TMEM44: variants seen among roughly 807,000 people sequenced by gnomAD.
The protein encoded by TMEM44 is transmembrane protein 44.
TMEM44 carries 43 observed loss-of-function variants against 47.8 expected under a neutral mutation model. The ratio of observed to expected loss-of-function variants is 0.90; its 90% CI spans 0.70 to 1.16. The LOEUF is 1.16. TMEM44 is among the 50% of genes most tolerant of loss of function. TMEM44 has a pLI of 0.00. For synonymous variants in TMEM44, 277 were observed against 238.8 expected, an observed-to-expected ratio of 1.16 and a Z score of -1.48; for missense variants, 568 against 555.2, an observed-to-expected ratio of 1.02 and a Z score of -0.23.
Position 194,628,600 on chromosome 3 carries a change from G to A in TMEM44, c.138-91C>T, listed in dbSNP as rs559549849. 2.2e-5 allele frequency: 31 copies of A among 1,433,660 alleles called. 1 individual carries two copies. The South Asian group carries it at 3.1e-4, about 14-fold the overall frequency. The allele number at this position is 1,433,660 out of a possible 1,614,324, so 88.8% of individuals were successfully genotyped here. A position where few individuals can be genotyped will look rare whatever the true frequency, so the allele number is the denominator to read the frequency against. On this transcript the variant is annotated intron_variant, in intron 1 of 9. Transcript: ENST00000347147. ...AAAAGGGCAACTGTGACCCCGCATC[G>A]TCAGGGAGCTCTTTCTGCCCGAGGT...
At chr3:194,628,328 G>C (rs1266827558) in intron 2 of TMEM44, 55 bp downstream of exon 2, 5 of 1,571,116 alleles carry the variant, frequency 3.2e-6, no homozygotes, top group Non-Finnish European at 4.3e-6. Flanking sequence ...AGAGAGAAAG[G>C]CCAGGCCTCC....
intron 7 of TMEM44, among the ~76,000 whole-genome samples, chr3:194,615,335 G>A (rs572864664): frequency 1.3e-5 from 2 of 152,264 alleles, no homozygotes; most frequent in African/African-American, 2.4e-5. Flanking sequence ...GGCCCTCATG[G>A]AGGCTCAATG....
At chr3:194,620,928 G>A (rs1171589371) in intron 5 of TMEM44, among the ~76,000 whole-genome samples, 2 of 151,722 alleles carry the variant, frequency 1.3e-5, no homozygotes, top group Non-Finnish European at 1.5e-5. Flanking sequence ...TTGGGAGGCT[G>A]AGGCACAGAA....
chr3:194,625,932 A>G lies in TMEM44; in HGVS notation c.323T>C (p.Phe108Ser). 1 of 1,613,880 alleles carries G rather than the reference A, an allele frequency of 6.2e-7. No homozygotes were observed. Among genetic ancestry groups the G allele is most frequent in the Non-Finnish European group, 8.5e-7 (1 of 1,179,784 alleles). ...IDLVNFMFIL[F>S]PVCGSKFKSN... is the part of the protein sequence containing the mutation. Reference sequence around the variant, plus strand: ...CTTGAATTTGGATCCACAGACTGGGAAGAGAATGAACATAAAGTTCACTAA... The same window carrying G: ...CTTGAATTTGGATCCACAGACTGGGGAGAGAATGAACATAAAGTTCACTAA... Residue 108 changes from phenylalanine (F) to serine (S), a missense_variant, in exon 3 of 10, where the codon TTC (phenylalanine) becomes TCC (serine). Coordinates refer to ENST00000347147, the MANE Select transcript of TMEM44 (RefSeq NM_001011655.3).
Position 194,611,750 on chromosome 3 carries a change from G to A in TMEM44, c.913-730C>T, listed in dbSNP as rs1325144932. Among the ~76,000 whole-genome samples the A allele has an allele frequency of 1.3e-5, 2 of 152,114 alleles. No homozygotes were observed. Among genetic ancestry groups the A allele is most frequent in the Non-Finnish European group, 2.9e-5 (2 of 68,028 alleles). Reference sequence around the variant, plus strand: ...TAAAATACAGATTGCAGCCGGGCGCGGTGGCTCACGCCTGTAATCCCAGCA... The same window carrying A: ...TAAAATACAGATTGCAGCCGGGCGCAGTGGCTCACGCCTGTAATCCCAGCA... On this transcript the variant is annotated intron_variant, in intron 7 of 9. Transcript: ENST00000347147. This position sits in a 1 kb window ranked among gnomAD's most constrained non-coding sequence, Gnocchi z 4.2.
At chr3:194,590,841 C>T (rs932807892) in intron 9 of TMEM44, among the ~76,000 whole-genome samples, 2 of 152,188 alleles carry the variant, frequency 1.3e-5, no homozygotes, top group African/African-American at 2.4e-5. Flanking sequence ...TTCTTGCCAA[C>T]CGTGACCAGT....
At chr3:194,612,821 C>T (rs573982319) in intron 7 of TMEM44, among the ~76,000 whole-genome samples, 4 of 152,162 alleles carry the variant, frequency 2.6e-5, no homozygotes, top group Non-Finnish European at 5.9e-5. Flanking sequence ...CCCGCCACCG[C>T]GCCCAGCTAA....
chr3:194,592,396 C>A (rs1037909962), intron 9 of TMEM44, among the ~76,000 whole-genome samples: 5 of 152,196 alleles, frequency 3.3e-5, no homozygotes, highest in Non-Finnish European at 7.3e-5. Flanking sequence ...GCCAGCTGCC[C>A]AGGGTCCCAG....
rs1383060344 is a variant in TMEM44 at position 194,611,747 on chromosome 3, C to T, written c.913-727G>A. Among the ~76,000 whole-genome samples the T allele has an allele frequency of 4.6e-5, 7 of 152,082 alleles. No homozygotes were observed. The highest frequency in any genetic ancestry group is 7.2e-5 in the African/African-American group (3 of 41,406). On this transcript the variant is annotated intron_variant, in intron 7 of 9. Coordinates refer to ENST00000347147, the MANE Select transcript of TMEM44 (RefSeq NM_001011655.3). The surrounding 1 kb of genome is among the most constrained non-coding windows in gnomAD (Gnocchi z 4.2). ...TGCTAAAATACAGATTGCAGCCGGG[C>T]GCGGTGGCTCACGCCTGTAATCCCA...
rs1715981886 is a variant in TMEM44 at position 194,617,098 on chromosome 3, C to T, written c.783+1G>A. ...GAGCTCCCCAGGCCTGGGGTGGATACAGCGAGGTCCAGTGCCGCACGGCCG... is the reference window on the plus strand; with the variant it reads ...GAGCTCCCCAGGCCTGGGGTGGATATAGCGAGGTCCAGTGCCGCACGGCCG... On this transcript the variant is annotated splice_donor_variant, in intron 6 of 9. Coordinates refer to ENST00000347147, the MANE Select transcript of TMEM44 (RefSeq NM_001011655.3). LOFTEE classifies it high-confidence loss of function. 2.6e-6 allele frequency: 4 copies of T among 1,519,534 alleles called. No homozygotes were observed. Among genetic ancestry groups the T allele is most frequent in the Middle Eastern group, 2.3e-4 (1 of 4,340 alleles). The allele number at this position is 1,519,534 out of a possible 1,614,324, so 94.1% of individuals were successfully genotyped here.
In TMEM44 at chr3:194,587,778, C is replaced by G. The variant is rs1712034330; in HGVS notation, c.*751G>C. 6.6e-6 allele frequency: 1 copy of G among 152,314 alleles called. No individual in the cohort carries two copies. The highest frequency in any genetic ancestry group is 1.5e-5 in the Non-Finnish European group (1 of 68,094). The allele number at this position is 152,314 out of a possible 1,614,324, so 9.4% of individuals were successfully genotyped here. Reference sequence around the variant, plus strand: ...TACTCATCGCAGTATCAAAATAACTCCCAAATGGGATTGCTGTGCTTGAAC... The same window carrying G: ...TACTCATCGCAGTATCAAAATAACTGCCAAATGGGATTGCTGTGCTTGAAC... On this transcript the variant is annotated 3_prime_UTR_variant, in exon 10 of 10. Coordinates refer to ENST00000347147, the MANE Select transcript of TMEM44 (RefSeq NM_001011655.3).
chr3:194,633,102 G>A lies in TMEM44; in HGVS notation c.114C>T (p.Ser38=). 6.5e-7 allele frequency: 1 copy of A among 1,550,030 alleles called. No individual in the cohort carries two copies. Among genetic ancestry groups the A allele is most frequent in the Non-Finnish European group, 8.7e-7 (1 of 1,147,280 alleles). Residue 38 remains serine (S), a synonymous_variant, in exon 1 of 10, where the codon TCC becomes TCT. Coordinates refer to ENST00000347147, the MANE Select transcript of TMEM44 (RefSeq NM_001011655.3). ...ISFGLWICAS[S]CWIAAHALLL... is the part of the protein sequence containing the mutation. ...ACAGCGCGTGGGCGGCGATCCAGCA[G>A]GAGGAGGCGCAGATCCACAGGCCGA...
chr3:194,616,062 T>A (rs570501083), intron 6 of TMEM44, among the ~76,000 whole-genome samples: 1 of 152,078 alleles, frequency 6.6e-6, no homozygotes. Flanking sequence ...GACCCCCTTT[T>A]TTTTTTTGAG....
intron 7 of TMEM44, among the ~76,000 whole-genome samples, chr3:194,614,217 G>C (rs1715643553): frequency 2.0e-5 from 3 of 152,148 alleles, no homozygotes; most frequent in Admixed American, 6.6e-5. Context: ...AACAGCAAAT[G>C]GGTCCTCGTG....
At chr3:194,597,553 G>C (rs540822001) in intron 9 of TMEM44, among the ~76,000 whole-genome samples, 1 of 151,888 alleles carries the variant, frequency 6.6e-6, no homozygotes, top group East Asian at 1.9e-4. Context: ...CCAGCTACTT[G>C]GGAGGCTAAA....
intron 6 of TMEM44, 90 bp from the exon 7 acceptor site, chr3:194,615,787 C>G: frequency 6.6e-7 from 1 of 1,505,228 alleles, no homozygotes; most frequent in South Asian, 1.2e-5. Flanking sequence ...CCACCCCCCT[C>G]CCCACTCACC....
Position 194,628,371 on chromosome 3 carries a change from G to C in TMEM44, c.264+12C>G. 6.2e-7 allele frequency: 1 copy of C among 1,608,082 alleles called. No individual in the cohort carries two copies. The highest frequency in any genetic ancestry group is 8.5e-7 in the Non-Finnish European group (1 of 1,177,248). ...CTGGCCTAAGCCACTGTCAGCTGGA[G>C]GCCCAACATACCTGGATTGTGAGCT... On this transcript the variant is annotated intron_variant, in intron 2 of 9. Transcript: ENST00000347147.
At chr3:194,623,000 C>T (rs964809435) in intron 5 of TMEM44, 3 of 471,150 alleles carry the variant, frequency 6.4e-6, no homozygotes, top group African/African-American at 2.1e-5. Flanking sequence ...GGGCTTTCCC[C>T]GAGAGGCTCC....
chr3:194,603,612 G>C (rs1174221673), intron 9 of TMEM44, among the ~76,000 whole-genome samples: 1 of 152,138 alleles, frequency 6.6e-6, no homozygotes, highest in Non-Finnish European at 1.5e-5. Context: ...TGGCCAGGCT[G>C]GTCTTGAACT....
Sources: gnomAD v4.1 joint callset for allele counts (sites outside exome capture counted in the v4.1 genomes callset) on GRCh38, gnomAD v4.1.1 for gene constraint, Gnocchi (gnomAD v3.1) non-coding constraint, MANE v1.5 for transcripts, NCBI Gene and HGNC (gene_info 2026-07-23, HGNC 2026-07-21) for gene names.